ADGRF4: variants seen among roughly 807,000 people sequenced by gnomAD.
ADGRF4 encodes the protein adhesion G protein-coupled receptor F4.
Under a neutral mutation model 58.5 loss-of-function variants are expected in ADGRF4, and 63 were observed. That is an observed-to-expected ratio of 1.08 (90% CI 0.88 to 1.33). The LOEUF (loss-of-function observed/expected upper bound fraction) is 1.33. Among genes scored for constraint, ADGRF4 ranks in the 40% most tolerant of loss-of-function variants. The pLI is 0.00. For missense variants in ADGRF4, 931 were observed against 843.9 expected, an observed-to-expected ratio of 1.10 and a Z score of -1.28; for synonymous variants, 313 against 295.4, an observed-to-expected ratio of 1.06 and a Z score of -0.61.
intron 8 of ADGRF4, 100 bp downstream of exon 8, chr6:47,717,451 A>T: frequency 1.2e-6 from 1 of 805,938 alleles, no homozygotes; most frequent in South Asian, 1.4e-5. Context: ...CTGTGGGCAA[A>T]GAGGATCAAT....
In ADGRF4 at chr6:47,708,213, A is replaced by T; in HGVS notation, c.94-11A>T. ...CAGTAAAGAGGACCATTGGGAATTT[A>T]TATTTTTCAGGCTGGAGATAAACTT... On this transcript the variant is annotated splice_polypyrimidine_tract_variant and intron_variant, in intron 2 of 9. Transcript: ENST00000283303. 6.2e-7 allele frequency: 1 copy of T among 1,608,470 alleles called. No homozygotes were observed. Among genetic ancestry groups the T allele is most frequent in the Non-Finnish European group, 8.5e-7 (1 of 1,174,946 alleles).
chr6:47,712,377 C>G lies in ADGRF4; in HGVS notation c.321C>G (p.Arg107=), dbSNP rs1023203447. 6.2e-7 allele frequency: 1 copy of G among 1,613,832 alleles called. No individual in the cohort carries two copies. The highest frequency in any genetic ancestry group is 1.3e-5 in the African/African-American group (1 of 74,920). Residue 107 remains arginine (R), a synonymous_variant, in exon 5 of 10, where the codon CGC becomes CGG. Coordinates refer to ENST00000283303, the MANE Select transcript of ADGRF4 (RefSeq NM_153838.5). ...AACAGGACTCAACTGGTGCATCTCG[C>G]CTTTCTGTAGCAGCACCATCTATAC... ...KLFKDSTGAS[R]LSVAAPSIPL...
At chr6:47,711,469 G>A (rs756384484) in intron 4 of ADGRF4, among the ~76,000 whole-genome samples, 7 of 152,264 alleles carry the variant, frequency 4.6e-5, no homozygotes, top group South Asian at 2.1e-4. Flanking sequence ...CACCATATTG[G>A]CCAGGATGGT....
chr6:47,716,931 C>A, intron 7 of ADGRF4, 84 bp downstream of exon 7: 3 of 921,078 alleles, frequency 3.3e-6, no homozygotes, highest in Non-Finnish European at 5.3e-6. Flanking sequence ...GATTGGAGAG[C>A]ATACTCCAGG....
At chr6:47,720,194 G>A (rs1477435520) in intron 9 of ADGRF4, among the ~76,000 whole-genome samples, 1 of 152,046 alleles carries the variant, frequency 6.6e-6, no homozygotes, top group East Asian at 1.9e-4. Flanking sequence ...AGCACCAGGG[G>A]GTCTCTCAGC....
intron 9 of ADGRF4, among the ~76,000 whole-genome samples, chr6:47,719,227 A>C (rs930321742): frequency 7.9e-5 from 12 of 152,072 alleles, no homozygotes; most frequent in African/African-American, 2.9e-4. Flanking sequence ...AGTTGGAAAA[A>C]CCTTTAAGGG....
At chr6:47,699,933 ACC>A (rs35874700) in intron 1 of ADGRF4, among the ~76,000 whole-genome samples, 20,836 of 135,654 alleles carry the variant, frequency 0.15, 1,554 homozygotes, top group African/African-American at 0.22. Flanking sequence ...CAGACGACAC[ACC>A]CCCCCCCCCA....
intron 4 of ADGRF4, among the ~76,000 whole-genome samples, chr6:47,712,037 C>G (rs1471018628): frequency 6.6e-6 from 1 of 152,178 alleles, no homozygotes; most frequent in Non-Finnish European, 1.5e-5. Flanking sequence ...ATCCACTCCC[C>G]CATGAAATTC....
chr6:47,712,425 A>G lies in ADGRF4; in HGVS notation c.369A>G (p.Arg123=), dbSNP rs142966468. The change falls in exon 5 of 10, where the codon CGA becomes CGG. Residue 123 remains arginine (R), a synonymous_variant. Transcript: ENST00000283303. ...TACCTCTGCATATTCTAGACTTTCG[A>G]GCTCCAGAGACCATTGAGAGTGTAG... The part of the protein sequence containing the change: ...PSIPLHILDF[R]APETIESVAQ... 50 of 1,614,046 alleles carry G rather than the reference A, an allele frequency of 3.1e-5. No individual in the cohort carries two copies. In the African/African-American group the frequency reaches 5.7e-4, roughly 18 times the overall value.
At chr6:47,716,457 A>T (rs1772021048) in intron 6 of ADGRF4, among the ~76,000 whole-genome samples, 1 of 152,218 alleles carries the variant, frequency 6.6e-6, no homozygotes, top group Admixed American at 6.5e-5. Context: ...ATTTTGAATT[A>T]CAAGTTTCTG....
chr6:47,714,399 T>C lies in ADGRF4; in HGVS notation c.1154T>C (p.Met385Thr), dbSNP rs115211236. 1.5e-3 allele frequency: 2,353 copies of C among 1,614,136 alleles called. 21 individuals are homozygous for C. The highest frequency in any genetic ancestry group is 0.014 in the African/African-American group (1,021 of 75,032). ...KCRCNYTSVV[M>T]SFSILMSSKS... is the part of the protein sequence containing the mutation. The stretch of plus-strand genomic sequence containing the variant: ...CGCTGTAACTACACCAGTGTGGTGA[T>C]GTCTTTTTCCATTCTCATGTCCTCC... The change falls in exon 6 of 10, where the codon ATG (methionine) becomes ACG (threonine). Residue 385 changes from methionine to threonine, a missense_variant. By Grantham distance (81) the Met-to-Thr change is moderately conservative. Coordinates refer to ENST00000283303, the MANE Select transcript of ADGRF4 (RefSeq NM_153838.5).
At position 47,714,913 on chromosome 6, in the gene ADGRF4, C is replaced by G; in HGVS notation, c.1668C>G (p.Thr556=). Residue 556 remains threonine, a synonymous_variant, in exon 6 of 10, where the codon ACC becomes ACG. Transcript: ENST00000283303. ...PEACWLNWDN[T]KALLAFAIPA... is the part of the protein sequence containing the mutation. ...CCTGTTGGCTTAACTGGGACAATAC[C>G]AAAGCCCTTTTAGCATTTGCCATCC... 1.2e-6 allele frequency: 2 copies of G among 1,613,428 alleles called. No individual in the cohort carries two copies. Among genetic ancestry groups the G allele is most frequent in the Non-Finnish European group, 1.7e-6 (2 of 1,179,384 alleles).
In ADGRF4 at chr6:47,705,457, T is replaced by C. The variant is rs75939545; in HGVS notation, c.-16-1773T>C. 4.3e-3 allele frequency among the ~76,000 whole-genome samples: 660 copies of C among 152,320 alleles called. 3 individuals carry two copies. The highest frequency in any genetic ancestry group is 0.014 in the African/African-American group (575 of 41,574). On this transcript the variant is annotated intron_variant, in intron 1 of 9. Coordinates refer to ENST00000283303, the MANE Select transcript of ADGRF4 (RefSeq NM_153838.5). ...TGAATTCCACATTCATAATCCCAGC[T>C]CCTATCAAATCTATTACCACACCTT...
chr6:47,721,939 G>A lies in ADGRF4; in HGVS notation c.*734G>A, dbSNP rs1285217133. 1 of 152,106 alleles carries A rather than the reference G, an allele frequency of 6.6e-6. No individual in the cohort carries two copies. The highest frequency in any genetic ancestry group is 2.4e-5 in the African/African-American group (1 of 41,412). 9.4% of individuals were successfully genotyped at this position (152,106 alleles called of 1,614,324 possible). A position where few individuals can be genotyped will look rare whatever the true frequency, so the allele number is the denominator to read the frequency against. The stretch of plus-strand genomic sequence containing the variant: ...TGCACATGTTTGTGTTTGTGTATAT[G>A]TGTCTTTTAAAAATACTATATATAA... On this transcript the variant is annotated 3_prime_UTR_variant, in exon 10 of 10. Coordinates refer to ENST00000283303, the MANE Select transcript of ADGRF4 (RefSeq NM_153838.5).
chr6:47,718,527 T>A, intron 9 of ADGRF4, 82 bp downstream of exon 9: 4 of 801,060 alleles, frequency 5.0e-6, no homozygotes, highest in Non-Finnish European at 6.8e-6. Context: ...CACTATTGCC[T>A]GCTACGTGCT....
At chr6:47,715,876 A>G (rs530359907) in intron 6 of ADGRF4, among the ~76,000 whole-genome samples, 4 of 152,314 alleles carry the variant, frequency 2.6e-5, no homozygotes, top group South Asian at 2.1e-4. Flanking sequence ...AGAAATGCCA[A>G]CTCAGATCAA....
At chr6:47,706,909 T>C (rs1771722567) in intron 1 of ADGRF4, among the ~76,000 whole-genome samples, 1 of 152,216 alleles carries the variant, frequency 6.6e-6, no homozygotes, top group Admixed American at 6.5e-5. Context: ...AAATAGATAT[T>C]CTTGATAAAT....
Position 47,699,433 on chromosome 6 carries a change from G to A in ADGRF4, c.-17+639G>A, listed in dbSNP as rs114259466. On this transcript the variant is annotated intron_variant, in intron 1 of 9. Coordinates refer to ENST00000283303, the MANE Select transcript of ADGRF4 (RefSeq NM_153838.5). ...TCATGAGCTTTCTTCATGGACCAGA[G>A]GCAATTGCTGGGCGTATAAATTTCT... is the stretch of plus-strand genomic sequence containing the variant. Among the ~76,000 whole-genome samples, 660 of 152,314 alleles carry A rather than the reference G, an allele frequency of 4.3e-3. 3 individuals are homozygous for A. The highest frequency in any genetic ancestry group is 0.014 in the African/African-American group (575 of 41,548).
At chr6:47,710,658 A>G (rs1294395496) in intron 3 of ADGRF4, 77 bp from the exon 4 acceptor site, 4 of 1,444,602 alleles carry the variant, frequency 2.8e-6, no homozygotes, top group African/African-American at 2.9e-5. Context: ...CTCCAGAATG[A>G]ATTTGATGCA....
Sources: gnomAD v4.1 joint callset for allele counts (sites outside exome capture counted in the v4.1 genomes callset) on GRCh38, gnomAD v4.1.1 for gene constraint, MANE v1.5 for transcripts, NCBI Gene and HGNC (gene_info 2026-07-23, HGNC 2026-07-21) for gene names.